Variants in HECW2 observed in about 807,000 individuals in gnomAD.
HECW2 encodes the protein E3 ubiquitin-protein ligase HECW2.
HECW2 carries 61 observed loss-of-function variants against 175.2 expected under a neutral mutation model. The observed-to-expected ratio is 0.35, with a 90% CI of 0.28 to 0.43. HECW2 has a LOEUF of 0.43. Among genes scored for constraint, HECW2 ranks in the 20% least tolerant of loss-of-function variants. The probability of loss-of-function intolerance (pLI) is 1.00; values close to 1 mark genes in which losing one functional copy is unlikely to be tolerated. For synonymous variants in HECW2, 671 were observed against 731.0 expected, an observed-to-expected ratio of 0.92 and a Z score of 1.32; for missense variants, 1,524 against 2,000.5, an observed-to-expected ratio of 0.76 and a Z score of 4.54.
chr2:196,566,351 C>A (rs978878015), intron 1 of HECW2, among the ~76,000 whole-genome samples: 5 of 150,702 alleles, frequency 3.3e-5, no homozygotes, highest in Admixed American at 3.3e-4. Context: ...TTTAGGTCTG[C>A]GCCTTTTACT....
chr2:196,516,118 CAG>C (rs1559153247), intron 1 of HECW2, among the ~76,000 whole-genome samples: 1 of 152,112 alleles, frequency 6.6e-6, no homozygotes, highest in Non-Finnish European at 1.5e-5. Context: ...GCCTGGGTGA[CAG>C]AGCAAAACTC....
intron 28 of HECW2, among the ~76,000 whole-genome samples, chr2:196,209,929 A>C (rs1429493389): frequency 3.3e-5 from 5 of 151,868 alleles, no homozygotes; most frequent in Non-Finnish European, 5.9e-5. Context: ...ACGCCCGGCC[A>C]ACTTTTTGTA....
chr2:196,343,435 G>A (rs1172667013), intron 3 of HECW2, among the ~76,000 whole-genome samples: 2 of 152,184 alleles, frequency 1.3e-5, no homozygotes, highest in East Asian at 1.9e-4. Flanking sequence ...TGAAATCCAC[G>A]GATATGGATG....
intron 1 of HECW2, among the ~76,000 whole-genome samples, chr2:196,480,371 G>A (rs187203730): frequency 6.6e-6 from 1 of 152,306 alleles, no homozygotes; most frequent in African/African-American, 2.4e-5. Flanking sequence ...GCCACGTGGT[G>A]AGACAACCTG....
chr2:196,546,799 T>C (rs1160378075), intron 1 of HECW2, among the ~76,000 whole-genome samples: 1 of 148,748 alleles, frequency 6.7e-6, no homozygotes, highest in African/African-American at 2.5e-5. Context: ...CAGAGAGACC[T>C]GTCATATAGG....
chr2:196,515,495 A>C (rs1360242476), intron 1 of HECW2, among the ~76,000 whole-genome samples: 1 of 152,208 alleles, frequency 6.6e-6, no homozygotes, highest in Non-Finnish European at 1.5e-5. Context: ...TGGCGAGCAC[A>C]TCACTGACCA....
intron 1 of HECW2, among the ~76,000 whole-genome samples, chr2:196,520,224 C>T (rs1038128869): frequency 2.0e-5 from 3 of 151,434 alleles, no homozygotes; most frequent in African/African-American, 7.3e-5. Context: ...TATTAAAACT[C>T]TGTATTATAT....
chr2:196,578,733 A>G (rs1690653431), intron 1 of HECW2, among the ~76,000 whole-genome samples: 1 of 152,204 alleles, frequency 6.6e-6, no homozygotes, highest in East Asian at 1.9e-4. Context: ...AAGGTCAACC[A>G]AGACTTCTAT....
chr2:196,325,345 A>G (rs1280258946), intron 5 of HECW2, among the ~76,000 whole-genome samples, 196 bp from the exon 6 acceptor site: 1 of 152,212 alleles, frequency 6.6e-6, no homozygotes, highest in East Asian at 1.9e-4. Flanking sequence ...CTGTAACACA[A>G]TAGCAGTTAT....
chr2:196,242,184 G>A lies in HECW2; in HGVS notation c.3550C>T (p.Arg1184Trp), dbSNP rs772225658. 3 of 1,614,068 alleles carry A rather than the reference G, an allele frequency of 1.9e-6. No individual in the cohort carries two copies. The highest frequency in any genetic ancestry group is 8.5e-7 in the Non-Finnish European group (1 of 1,180,028). Reference sequence around the variant, plus strand: ...TCCCGCTTGTAAGGGGCTGGAGCCCGGGCATTGGCACGCTGGGTACCTGCA... The same window carrying A: ...TCCCGCTTGTAAGGGGCTGGAGCCCAGGCATTGGCACGCTGGGTACCTGCA... ...NSPGTQRANA[R>W]APAPYKRDFE... The change falls in exon 20 of 29, where the codon CGG becomes TGG. Residue 1184 changes from arginine (R) to tryptophan (W), a missense_variant. By Grantham distance (101) the Arg-to-Trp change is moderately radical (BLOSUM62 -3). Coordinates refer to ENST00000644978, the MANE Select transcript of HECW2 (RefSeq NM_001348768.2).
At chr2:196,207,867 G>C (rs916725542) in intron 28 of HECW2, among the ~76,000 whole-genome samples, 1 of 152,198 alleles carries the variant, frequency 6.6e-6, no homozygotes, top group Non-Finnish European at 1.5e-5. Flanking sequence ...TCCCATAGGG[G>C]GGAATTCCTG....
intron 28 of HECW2, among the ~76,000 whole-genome samples, chr2:196,209,928 C>T (rs531102850): frequency 6.8e-4 from 104 of 152,134 alleles, no homozygotes; most frequent in African/African-American, 2.3e-3. Flanking sequence ...CACGCCCGGC[C>T]AACTTTTTGT....
At chr2:196,531,304 G>T (rs1688830917) in intron 1 of HECW2, among the ~76,000 whole-genome samples, 1 of 152,138 alleles carries the variant, frequency 6.6e-6, no homozygotes, top group Non-Finnish European at 1.5e-5. Flanking sequence ...CTGTAATATG[G>T]AGTGACTTTG....
intron 1 of HECW2, among the ~76,000 whole-genome samples, chr2:196,528,366 G>A (rs753405477): frequency 2.6e-5 from 4 of 152,142 alleles, no homozygotes; most frequent in South Asian, 2.1e-4. Context: ...TTTTAATTAC[G>A]TATATTAAAT....
In HECW2 at chr2:196,454,756, G is replaced by T. The variant is rs111640199; in HGVS notation, c.-35-21298C>A. ...TCTAGAACTAGAATTTTATAGCTGAGTTCAAATCTCAGCTCTGCCATGCTC... is the reference window on the plus strand; with the variant it reads ...TCTAGAACTAGAATTTTATAGCTGATTTCAAATCTCAGCTCTGCCATGCTC... On this transcript the variant is annotated intron_variant, in intron 1 of 28. Coordinates refer to ENST00000644978, the MANE Select transcript of HECW2 (RefSeq NM_001348768.2). Among the ~76,000 whole-genome samples the T allele has an allele frequency of 1.4e-3, 219 of 152,278 alleles. 1 individual carries two copies. The highest frequency in any genetic ancestry group is 4.9e-3 in the African/African-American group (203 of 41,560).
At chr2:196,279,055 A>AT (rs1160688354) in intron 14 of HECW2, among the ~76,000 whole-genome samples, 13 of 149,636 alleles carry the variant, frequency 8.7e-5, no homozygotes, top group South Asian at 2.1e-4. Flanking sequence ...AAAAAAAAAA[A>AT]TTTTTTTTTT....
At chr2:196,345,114 G>T (rs1692905383) in intron 2 of HECW2, among the ~76,000 whole-genome samples, 1 of 152,110 alleles carries the variant, frequency 6.6e-6, no homozygotes, top group Admixed American at 6.5e-5. Flanking sequence ...TATAAGAATG[G>T]AAAGACATAA....
intron 1 of HECW2, among the ~76,000 whole-genome samples, chr2:196,464,833 A>G (rs1696886327): frequency 1.3e-5 from 2 of 152,170 alleles, no homozygotes; most frequent in Admixed American, 6.5e-5. Context: ...CGAGGTCAGG[A>G]GTTCGAGACC....
chr2:196,259,607 C>T (rs538859081), intron 17 of HECW2, among the ~76,000 whole-genome samples: 8 of 152,078 alleles, frequency 5.3e-5, no homozygotes, highest in East Asian at 3.9e-4. Context: ...TAGGCATGTA[C>T]GTAAAGGAGT....
Sources: allele counts gnomAD v4.1 joint callset (sites outside exome capture counted in the v4.1 genomes callset), GRCh38; gene constraint gnomAD v4.1.1; transcripts MANE v1.5; gene names NCBI Gene and HGNC (gene_info 2026-07-23, HGNC 2026-07-21).